Variants in ATRNL1 observed in about 807,000 individuals in gnomAD.
ATRNL1 encodes the protein attractin-like protein 1.
In ATRNL1, 95 loss-of-function variants were observed where a neutral mutation model predicts 182.7. That is an observed-to-expected ratio of 0.52 (90% CI 0.44 to 0.62). The LOEUF (loss-of-function observed/expected upper bound fraction) is 0.62, where lower values mean the gene tolerates loss of function less well. ATRNL1 is among the 20% of genes least tolerant of loss of function. The pLI, the probability that ATRNL1 is intolerant of heterozygous loss-of-function variation, is 0.00. For missense variants in ATRNL1, 1,471 were observed against 1,679.5 expected, an observed-to-expected ratio of 0.88 and a Z score of 2.17; for synonymous variants, 576 against 568.3, an observed-to-expected ratio of 1.01 and a Z score of -0.19.
intron 9 of ATRNL1, among the ~76,000 whole-genome samples, chr10:115,219,718 C>T (rs1211993171): frequency 1.3e-5 from 2 of 152,014 alleles, no homozygotes; most frequent in East Asian, 3.9e-4. Flanking sequence ...GCCTGGCTAA[C>T]ATGGTGAAAC....
chr10:115,522,241 T>C (rs573841196), intron 25 of ATRNL1, among the ~76,000 whole-genome samples: 1 of 152,324 alleles, frequency 6.6e-6, no homozygotes, highest in East Asian at 1.9e-4. Flanking sequence ...GGCTCACAGT[T>C]GTGCTGGCTG....
chr10:115,369,137 G>A (rs1474629062), intron 19 of ATRNL1, among the ~76,000 whole-genome samples: 3 of 151,556 alleles, frequency 2.0e-5, no homozygotes, highest in South Asian at 2.1e-4. Context: ...GTAAAACACC[G>A]GATTTGCTTA....
At chr10:115,299,836 T>TA (rs1364818828) in intron 15 of ATRNL1, among the ~76,000 whole-genome samples, 198 bp from the exon 16 acceptor site, 2 of 152,208 alleles carry the variant, frequency 1.3e-5, no homozygotes, top group Non-Finnish European at 2.9e-5. Flanking sequence ...ACCTGTGTTT[T>TA]AAAAACAGTG....
chr10:115,468,484 A>G (rs188991496), intron 23 of ATRNL1, among the ~76,000 whole-genome samples: 29 of 150,898 alleles, frequency 1.9e-4, no homozygotes, highest in Non-Finnish European at 4.0e-4. Context: ...TACTAATTCT[A>G]ATTATTTTTA....
intron 26 of ATRNL1, among the ~76,000 whole-genome samples, chr10:115,594,840 A>G (rs1856133761): frequency 6.6e-6 from 1 of 152,182 alleles, no homozygotes; most frequent in African/African-American, 2.4e-5. Flanking sequence ...CTAGGTCTCT[A>G]AAGAGATCAG....
intron 17 of ATRNL1, among the ~76,000 whole-genome samples, chr10:115,306,412 T>TC (rs1179715385): frequency 6.6e-6 from 1 of 152,156 alleles, no homozygotes; most frequent in Admixed American, 6.5e-5. Context: ...ATCTTTTTTA[T>TC]CCCCCCTTTG....
At chr10:115,916,037 T>C (rs1186803025) in intron 28 of ATRNL1, among the ~76,000 whole-genome samples, 1 of 152,262 alleles carries the variant, frequency 6.6e-6, no homozygotes, top group Non-Finnish European at 1.5e-5. Context: ...GCCAGTGATC[T>C]GTTCAAAGCA....
intron 19 of ATRNL1, among the ~76,000 whole-genome samples, chr10:115,350,334 C>CCAAAAA (rs1856176278): frequency 2.7e-4 from 8 of 29,734 alleles, no homozygotes; most frequent in Non-Finnish European, 3.1e-4. Context: ...GACTCTGTCT[C>CCAAAAA]AAAAAAAAAA....
intron 26 of ATRNL1, among the ~76,000 whole-genome samples, chr10:115,696,425 G>A (rs771518501): frequency 5.3e-4 from 80 of 152,256 alleles, no homozygotes; most frequent in Non-Finnish European, 6.2e-4. Context: ...AGCCAAGATC[G>A]TGCCACTGCA....
intron 21 of ATRNL1, among the ~76,000 whole-genome samples, chr10:115,452,671 TAA>T (rs1347474246): frequency 1.5e-4 from 23 of 152,150 alleles, no homozygotes; most frequent in Admixed American, 5.9e-4. Context: ...TCCAACACCT[TAA>T]GTTATTTAAT....
At chr10:115,330,686 T>TTTTTTTTTTTTTTTTC (rs1855169173) in intron 18 of ATRNL1, among the ~76,000 whole-genome samples, 1 of 150,560 alleles carries the variant, frequency 6.6e-6, no homozygotes, top group African/African-American at 2.4e-5. Context: ...TTTTTTTTTT[T>TTTTTTTTTTTTTTTTC]TTTTTCTCAT....
chr10:115,942,593 T>A (rs539264049), intron 28 of ATRNL1, among the ~76,000 whole-genome samples: 1 of 152,218 alleles, frequency 6.6e-6, no homozygotes, highest in Admixed American at 6.5e-5. Flanking sequence ...CCAGGAAATA[T>A]GTGAAGCTTA....
chr10:115,202,772 T>G (rs1554892771), intron 8 of ATRNL1, among the ~76,000 whole-genome samples: 6 of 147,098 alleles, frequency 4.1e-5, no homozygotes, highest in Non-Finnish European at 1.5e-5. Flanking sequence ...GGATTCCCTC[T>G]TTTTCTATTG....
intron 26 of ATRNL1, among the ~76,000 whole-genome samples, chr10:115,562,533 A>G (rs1477410276): frequency 2.0e-5 from 3 of 152,188 alleles, no homozygotes; most frequent in Non-Finnish European, 4.4e-5. Context: ...CCCAAATTTC[A>G]TCTTGAATTG....
intron 26 of ATRNL1, among the ~76,000 whole-genome samples, chr10:115,580,086 T>C (rs1473811583): frequency 6.6e-6 from 1 of 152,088 alleles, no homozygotes; most frequent in African/African-American, 2.4e-5. Context: ...GTTATAGTTG[T>C]ATTTGAAACT....
chr10:115,112,403 A>T (rs1231280792), intron 1 of ATRNL1, among the ~76,000 whole-genome samples: 1 of 152,226 alleles, frequency 6.6e-6, no homozygotes, highest in Non-Finnish European at 1.5e-5. Context: ...GAAAATGCAT[A>T]TTATGAAAAA....
At chr10:115,353,885 C>T (rs1237932948) in intron 19 of ATRNL1, among the ~76,000 whole-genome samples, 2 of 152,174 alleles carry the variant, frequency 1.3e-5, no homozygotes, top group Non-Finnish European at 2.9e-5. Flanking sequence ...TTTCCTCTAA[C>T]TCCCTCCTAC....
intron 26 of ATRNL1, among the ~76,000 whole-genome samples, chr10:115,604,410 C>G (rs1348979227): frequency 2.0e-5 from 3 of 152,176 alleles, no homozygotes; most frequent in East Asian, 3.9e-4. Context: ...AAAGACTCCA[C>G]TCTAGCTGGT....
In ATRNL1 at chr10:115,328,511, C is replaced by A. The variant is rs139212489; in HGVS notation, c.3038-5771C>A. 3.3e-3 allele frequency among the ~76,000 whole-genome samples: 496 copies of A among 152,208 alleles called. 2 individuals are homozygous for A. The highest frequency in any genetic ancestry group is 0.011 in the African/African-American group (477 of 41,536). On this transcript the variant is annotated intron_variant, in intron 18 of 28. Transcript: ENST00000355044. ...ATCACCTTACTACTGTTCTTGTACT[C>A]TATTGCATCATAGGTATTCCTCCTA...
Sources: allele counts gnomAD v4.1 joint callset (sites outside exome capture counted in the v4.1 genomes callset), GRCh38; gene constraint gnomAD v4.1.1; transcripts MANE v1.5; gene names NCBI Gene and HGNC (gene_info 2026-07-23, HGNC 2026-07-21).